The following MIR2052HG variants were observed in gnomAD, a reference collection of about 807,000 sequenced individuals.
MIR2052HG encodes MIR2052 host gene.
chr8:74,674,941 T>C (rs1313065739), intron 2 of MIR2052HG, among the ~76,000 whole-genome samples: 2 of 152,048 alleles, frequency 1.3e-5, no homozygotes, highest in Non-Finnish European at 2.9e-5. Context: ...CAGGCTTTTA[T>C]TGAACCTGTT....
intron 2 of MIR2052HG, among the ~76,000 whole-genome samples, chr8:74,685,624 T>C (rs2128739449): frequency 6.6e-6 from 1 of 152,222 alleles, no homozygotes; most frequent in Non-Finnish European, 1.5e-5. Context: ...GTGAAAAACA[T>C]ATACCATAAG....
intron 2 of MIR2052HG, among the ~76,000 whole-genome samples, chr8:74,685,130 G>A (rs1464557717): frequency 2.0e-5 from 3 of 152,036 alleles, no homozygotes; most frequent in Non-Finnish European, 4.4e-5. Flanking sequence ...TCTGATATTT[G>A]ACATGCAAGA....
At chr8:74,636,348 T>C (rs1056549633) in intron 2 of MIR2052HG, among the ~76,000 whole-genome samples, 11 of 152,180 alleles carry the variant, frequency 7.2e-5, no homozygotes, top group Admixed American at 6.6e-4. Flanking sequence ...TCCTTGAATT[T>C]AGGATGCTTT....
intron 2 of MIR2052HG, among the ~76,000 whole-genome samples, chr8:74,694,574 C>T (rs1809276601): frequency 6.6e-6 from 1 of 151,896 alleles, no homozygotes; most frequent in South Asian, 2.1e-4. Context: ...AGGTGAATAT[C>T]AACTTAAATT....
chr8:74,707,052 G>T lies in MIR2052HG; in HGVS notation n.371+3370G>T, dbSNP rs867929653. Among the ~76,000 whole-genome samples, 3 of 152,110 alleles carry T rather than the reference G, an allele frequency of 2.0e-5. No homozygotes were observed. The South Asian group carries it at 6.2e-4, about 32-fold the overall frequency. Reference sequence around the variant, plus strand: ...ATTATGGTGTTTGTCAATGTGACTAGTGAAAATTCAATATTTATAAAATAA... The same window carrying T: ...ATTATGGTGTTTGTCAATGTGACTATTGAAAATTCAATATTTATAAAATAA... On this transcript the variant is annotated intron_variant and non_coding_transcript_variant, in intron 4 of 6. Coordinates refer to ENST00000523442, the Ensembl canonical transcript of MIR2052HG.
intron 2 of MIR2052HG, among the ~76,000 whole-genome samples, chr8:74,697,214 TAAAAAC>T (rs1809307443): frequency 6.6e-6 from 1 of 151,926 alleles, no homozygotes; most frequent in South Asian, 2.1e-4. Context: ...TAAACAGAAT[TAAAAAC>T]AAAAATCACA....
chr8:74,628,151 T>TA (rs1808461005), intron 2 of MIR2052HG, among the ~76,000 whole-genome samples: 1 of 152,146 alleles, frequency 6.6e-6, no homozygotes, highest in Non-Finnish European at 1.5e-5. Context: ...TTAGAACAGA[T>TA]ACCTATTACA....
intron 2 of MIR2052HG, among the ~76,000 whole-genome samples, chr8:74,673,311 G>A (rs1809013106): frequency 6.6e-6 from 1 of 151,940 alleles, no homozygotes; most frequent in Non-Finnish European, 1.5e-5. Context: ...TGAGTCCTTA[G>A]GGAGTCTCTC....
rs144160795 is a variant in MIR2052HG, at chr8:74,682,188, C to T, written n.217-20191C>T. On this transcript the variant is annotated intron_variant and non_coding_transcript_variant, in intron 2 of 6. Coordinates refer to ENST00000523442, the Ensembl canonical transcript of MIR2052HG. ...AGTTGAAAAATTTAAATGGGAAAGGCAAATTTTAAAGTATTTAGAGGATAG... is the reference window on the plus strand; with the variant it reads ...AGTTGAAAAATTTAAATGGGAAAGGTAAATTTTAAAGTATTTAGAGGATAG... Among the ~76,000 whole-genome samples, 252 of 152,120 alleles carry T rather than the reference C, an allele frequency of 1.7e-3. 1 individual carries two copies. The highest frequency in any genetic ancestry group is 5.8e-3 in the African/African-American group (241 of 41,506).
chr8:74,661,628 A>G (rs1168022037), intron 2 of MIR2052HG, among the ~76,000 whole-genome samples: 2 of 152,172 alleles, frequency 1.3e-5, no homozygotes, highest in Non-Finnish European at 2.9e-5. Flanking sequence ...TTTATGTGGA[A>G]TTTTATAAAG....
At chr8:74,672,940 C>T (rs1017788690) in intron 2 of MIR2052HG, among the ~76,000 whole-genome samples, 13 of 151,968 alleles carry the variant, frequency 8.6e-5, no homozygotes, top group African/African-American at 2.7e-4. Flanking sequence ...GCTCTGTTGA[C>T]CTGCTTTTTT....
At chr8:74,635,502 A>G (rs1563519499) in intron 2 of MIR2052HG, among the ~76,000 whole-genome samples, 2 of 152,154 alleles carry the variant, frequency 1.3e-5, no homozygotes, top group Non-Finnish European at 2.9e-5. Flanking sequence ...CCATAAAGAC[A>G]ATAAATTAAA....
In MIR2052HG at chr8:74,702,557, T is replaced by A. The variant is rs114687782; in HGVS notation, n.294+101T>A. 1,996 of 215,620 alleles carry A rather than the reference T, an allele frequency of 9.3e-3. 32 individuals are homozygous for A. Among genetic ancestry groups the A allele is most frequent in the African/African-American group, 0.043 (1,892 of 43,536 alleles). The allele number at this position is 215,620 out of a possible 1,614,324, so 13.4% of individuals were successfully genotyped here. On this transcript the variant is annotated intron_variant and non_coding_transcript_variant, in intron 3 of 6. Coordinates refer to ENST00000523442, the Ensembl canonical transcript of MIR2052HG. Reference sequence around the variant, plus strand: ...TACATGTAAGCCAGATTCAAAGCTTTAAGCCTAAGAGGAGGAGATTTCACC... The same window carrying A: ...TACATGTAAGCCAGATTCAAAGCTTAAAGCCTAAGAGGAGGAGATTTCACC...
At chr8:74,730,887 C>T (rs531893472) in intron 4 of MIR2052HG, among the ~76,000 whole-genome samples, 23 of 152,186 alleles carry the variant, frequency 1.5e-4, no homozygotes, top group South Asian at 6.2e-4. Flanking sequence ...GGATCTTGGG[C>T]GGTGGCCAGT....
In MIR2052HG at chr8:74,737,353, A is replaced by T. The variant is rs185584027; in HGVS notation, n.372-15088A>T. On this transcript the variant is annotated intron_variant and non_coding_transcript_variant, in intron 4 of 6. Transcript: ENST00000523442. ...GTATTTTGGCCCAGGAAGATTCTGT[A>T]TCCTGCCCTTGAGCTGCTGCTTGGG... is the stretch of plus-strand genomic sequence containing the variant. 3.0e-3 allele frequency among the ~76,000 whole-genome samples: 464 copies of T among 152,282 alleles called. 1 individual carries two copies. Among genetic ancestry groups the T allele is most frequent in the Middle Eastern group, 6.8e-3 (2 of 294 alleles).
intron 2 of MIR2052HG, among the ~76,000 whole-genome samples, chr8:74,638,351 A>C (rs1808604676): frequency 6.6e-6 from 1 of 152,206 alleles, no homozygotes; most frequent in Admixed American, 6.5e-5. Flanking sequence ...TAATCAACAT[A>C]AACATGCTGA....
chr8:74,729,828 T>C lies in MIR2052HG; in HGVS notation n.372-22613T>C, dbSNP rs142354973. Among the ~76,000 whole-genome samples, 229 of 152,256 alleles carry C rather than the reference T, an allele frequency of 1.5e-3. 2 individuals carry two copies. Among genetic ancestry groups the C allele is most frequent in the African/African-American group, 5.3e-3 (220 of 41,554 alleles). Reference sequence around the variant, plus strand: ...TTACCTCCATCAAACAGAATCATAGTGTCATTAAATTAAATTCTTTTGATC... The same window carrying C: ...TTACCTCCATCAAACAGAATCATAGCGTCATTAAATTAAATTCTTTTGATC... On this transcript the variant is annotated intron_variant and non_coding_transcript_variant, in intron 4 of 6. Coordinates refer to ENST00000523442, the Ensembl canonical transcript of MIR2052HG.
At chr8:74,636,648 T>C (rs1808584695) in intron 2 of MIR2052HG, among the ~76,000 whole-genome samples, 1 of 152,148 alleles carries the variant, frequency 6.6e-6, no homozygotes, top group African/African-American at 2.4e-5. Flanking sequence ...TTGTGGTCCA[T>C]AAATTTAATA....
intron 2 of MIR2052HG, among the ~76,000 whole-genome samples, chr8:74,695,610 G>A (rs966571686): frequency 2.6e-5 from 4 of 152,104 alleles, no homozygotes; most frequent in East Asian, 3.9e-4. Flanking sequence ...GTAAAGGGGC[G>A]GAAAATGTTA....
Sources: gnomAD v4.1 joint callset for allele counts (sites outside exome capture counted in the v4.1 genomes callset) on GRCh38, gnomAD v4.1.1 for gene constraint, MANE v1.5 for transcripts, NCBI Gene and HGNC (gene_info 2026-07-23, HGNC 2026-07-21) for gene names.